The following FURIN variants were observed in gnomAD, a reference collection of about 807,000 sequenced individuals.
FURIN encodes furin, paired basic amino acid cleaving enzyme.
A neutral mutation model predicts 89.2 loss-of-function variants in FURIN; 18 were observed. That is an observed-to-expected ratio of 0.20 (90% CI 0.14 to 0.30). The LOEUF is 0.30. Among genes scored for constraint, FURIN ranks in the 10% least tolerant of loss-of-function variants. The pLI, the probability that FURIN is intolerant of heterozygous loss-of-function variation, is 1.00. For missense variants in FURIN, 879 were observed against 1,100.5 expected (o/e 0.80, Z 2.85); for synonymous variants, 508 against 466.4 (o/e 1.09, Z -1.15).
chr15:90,872,031 C>T (rs2151219064), intron 1 of FURIN, among the ~76,000 whole-genome samples: 1 of 151,572 alleles, frequency 6.6e-6, no homozygotes, highest in South Asian at 2.1e-4. Context: ...GCCGGGTGCT[C>T]CAGCCTCCCC....
Position 90,877,357 on chromosome 15 carries a change from C to T in FURIN, c.578+146C>T, listed in dbSNP as rs569017477. The T allele has an allele frequency of 8.6e-5, 80 of 925,732 alleles. No homozygotes were observed. In the Middle Eastern group the frequency reaches 1.3e-3, roughly 15 times the overall value. The allele number at this position is 925,732 out of a possible 1,614,324, so 57.3% of individuals were successfully genotyped here. A position where few individuals can be genotyped will look rare whatever the true frequency, so the allele number is the denominator to read the frequency against. ...CCACCTGGGGCTCTGAGGGAGGGCT[C>T]GGTCAGAGTGGAGATGGCCACAGGC... On this transcript the variant is annotated intron_variant, in intron 6 of 15. Coordinates refer to ENST00000268171, the MANE Select transcript of FURIN (RefSeq NM_002569.4).
Position 90,870,801 on chromosome 15 carries a change from G to C in FURIN, c.-160+2090G>C, listed in dbSNP as rs778186229. Among the ~76,000 whole-genome samples, 79 of 152,166 alleles carry C rather than the reference G, an allele frequency of 5.2e-4. 1 individual carries two copies. Among genetic ancestry groups the C allele is most frequent in the South Asian group, 1.4e-3 (7 of 4,828 alleles). ...AGGTCTGCTGGTTGTGGGACTTTGC[G>C]CAAATTATTTAAACGTTGTGCGCCT... On this transcript the variant is annotated intron_variant, in intron 1 of 15. Coordinates refer to ENST00000268171, the MANE Select transcript of FURIN (RefSeq NM_002569.4).
intron 7 of FURIN, 146 bp from the exon 8 acceptor site, chr15:90,877,986 T>C (rs948257848): frequency 8.6e-6 from 6 of 696,280 alleles, no homozygotes; most frequent in Non-Finnish European, 1.4e-5. Flanking sequence ...AAACAGGTAG[T>C]TGGGGGTTCA....
In FURIN at chr15:90,876,632, G is replaced by A; in HGVS notation, c.372+75G>A. 1.9e-6 allele frequency: 2 copies of A among 1,027,830 alleles called. No individual in the cohort carries two copies. Among genetic ancestry groups the A allele is most frequent in the South Asian group, 2.6e-5 (2 of 76,816 alleles). The allele number at this position is 1,027,830 out of a possible 1,614,324, so 63.7% of individuals were successfully genotyped here. A position where few individuals can be genotyped will look rare whatever the true frequency, so the allele number is the denominator to read the frequency against. On this transcript the variant is annotated intron_variant, in intron 4 of 15. Coordinates refer to ENST00000268171, the MANE Select transcript of FURIN (RefSeq NM_002569.4). This position sits in a 1 kb window ranked among gnomAD's most constrained non-coding sequence, Gnocchi z 5.0. ...ACCCACTATGAGCTCTTGGATGGAG[G>A]AGGCTGTCTTCGAGGCCTCCTCTGA...
Position 90,868,639 on chromosome 15 carries a change from G to A in FURIN, c.-232G>A, listed in dbSNP as rs575417253. On this transcript the variant is annotated 5_prime_UTR_variant, in exon 1 of 16. Transcript: ENST00000268171. ...GTGAAGGGATAGGAGCCTGACTGTT[G>A]CAGCTGCAGTGAGTGGCGGGGAAGC... is the stretch of plus-strand genomic sequence containing the variant. 6.6e-6 allele frequency: 1 copy of A among 152,396 alleles called. No homozygotes were observed. Among genetic ancestry groups the A allele is most frequent in the South Asian group, 2.1e-4 (1 of 4,832 alleles). The allele number at this position is 152,396 out of a possible 1,614,324, so 9.4% of individuals were successfully genotyped here.
chr15:90,878,346 G>T, intron 8 of FURIN, 42 bp downstream of exon 8: 2 of 1,479,464 alleles, frequency 1.4e-6, no homozygotes, highest in African/African-American at 1.4e-5. Context: ...CAGGTTGGGT[G>T]CTGTCTTCCG....
Position 90,878,980 on chromosome 15 carries a change from A to C in FURIN, c.1053+4A>C. On this transcript the variant is annotated splice_donor_region_variant and intron_variant, in intron 9 of 15. Transcript: ENST00000268171. ...CAACCAGAATGAGAAGCAGATCGTGAGTCTTACCTGGGGGTGGGGGCTGGG... is the reference window on the plus strand; with the variant it reads ...CAACCAGAATGAGAAGCAGATCGTGCGTCTTACCTGGGGGTGGGGGCTGGG... The C allele has an allele frequency of 7.5e-7, 1 of 1,325,836 alleles. No homozygotes were observed. The highest frequency in any genetic ancestry group is 1.1e-6 in the Non-Finnish European group (1 of 938,490). 82.1% of individuals were successfully genotyped at this position (1,325,836 alleles called of 1,614,324 possible).
In FURIN at chr15:90,878,748, C is replaced by A. The variant is rs895574347; in HGVS notation, c.841-16C>A. 16 of 1,511,000 alleles carry A rather than the reference C, an allele frequency of 1.1e-5. No homozygotes were observed. The highest frequency in any genetic ancestry group is 3.3e-5 in the Admixed American group (2 of 59,772). The allele number at this position is 1,511,000 out of a possible 1,614,324, so 93.6% of individuals were successfully genotyped here. On this transcript the variant is annotated splice_polypyrimidine_tract_variant and intron_variant, in intron 8 of 15. Transcript: ENST00000268171. Reference sequence around the variant, plus strand: ...AAGTCCCAATCTTGAATGACCCCAGCCCACTCTGTCCACAGGGCCGAGGGG... The same window carrying A: ...AAGTCCCAATCTTGAATGACCCCAGACCACTCTGTCCACAGGGCCGAGGGG...
In FURIN at chr15:90,876,930, C is replaced by T. The variant is rs750277939; in HGVS notation, c.407C>T (p.Ala136Val). 6.0e-5 allele frequency: 97 copies of T among 1,613,802 alleles called. 1 individual carries two copies. Among genetic ancestry groups the T allele is most frequent in the South Asian group, 2.0e-4 (18 of 91,078 alleles). ...GVTQRDLNVK[A>V]AWAQGYTGHG... ...ACTCAGCGGGACCTGAATGTGAAGG[C>T]GGCCTGGGCGCAGGGCTACACAGGG... Residue 136 changes from alanine to valine, a missense_variant, in exon 5 of 16, where the codon GCG (alanine) becomes GTG (valine). Ala to Val is a moderately conservative substitution (Grantham distance 64). This residue lies in a region of FURIN where 139 missense variants were observed against 215.0 expected (regional missense o/e 0.65). Coordinates refer to ENST00000268171, the MANE Select transcript of FURIN (RefSeq NM_002569.4). This position sits in a 1 kb window ranked among gnomAD's most constrained non-coding sequence, Gnocchi z 5.0.
intron 1 of FURIN, among the ~76,000 whole-genome samples, chr15:90,873,768 T>C (rs2031453829): frequency 6.6e-6 from 1 of 152,170 alleles, no homozygotes; most frequent in Admixed American, 6.5e-5. Flanking sequence ...GGAAGTCCTG[T>C]GGAGTCTGCC....
chr15:90,876,742 A>G lies in FURIN; in HGVS notation c.373-154A>G, dbSNP rs919464693. ...GGGGGTGGCCCTCCCAGAGTCCTCT[A>G]CATTCCCATGGAGTCCAGACAGCCA... On this transcript the variant is annotated intron_variant, in intron 4 of 15. Transcript: ENST00000268171. This position sits in a 1 kb window ranked among gnomAD's most constrained non-coding sequence, Gnocchi z 5.0. Among the ~76,000 whole-genome samples the G allele has an allele frequency of 6.6e-6, 1 of 152,156 alleles. No homozygotes were observed. The highest frequency in any genetic ancestry group is 6.5e-5 in the Admixed American group (1 of 15,284).
chr15:90,880,563 C>G (rs2031903418), intron 13 of FURIN, 128 bp from the exon 14 acceptor site: 1 of 1,022,600 alleles, frequency 9.8e-7, no homozygotes, highest in African/African-American at 1.6e-5. Flanking sequence ...GCCAAGCCAG[C>G]AGGCACTTCT....
At chr15:90,878,723 A>G in intron 8 of FURIN, 41 bp from the exon 9 acceptor site, 1 of 1,248,460 alleles carries the variant, frequency 8.0e-7, no homozygotes, top group Non-Finnish European at 1.2e-6. Flanking sequence ...GCCCTCCCTC[A>G]AGTCCCAATC....
rs781695456 is a variant in FURIN, at chr15:90,881,277, C to T, written c.1793-9C>T. On this transcript the variant is annotated splice_polypyrimidine_tract_variant and intron_variant, in intron 15 of 15. Coordinates refer to ENST00000268171, the MANE Select transcript of FURIN (RefSeq NM_002569.4). This position sits in a 1 kb window ranked among gnomAD's most constrained non-coding sequence, Gnocchi z 4.3. ...TGACACACACTTGCCCTCTCTCCCA[C>T]GCCGGCAGTGTGCGAGGAAGGCTTC... The T allele has an allele frequency of 3.2e-5, 50 of 1,580,204 alleles. No homozygotes were observed. Among genetic ancestry groups the T allele is most frequent in the East Asian group, 1.1e-4 (5 of 44,426 alleles).
Position 90,879,937 on chromosome 15 carries a change from A to G in FURIN, c.1329A>G (p.Thr443=). Reference sequence around the variant, plus strand: ...TGGCCCTGGCCCAGAATTGGACCACAGTGGCCCCCCAGCGGAAGTGCATCA... The same window carrying G: ...TGGCCCTGGCCCAGAATTGGACCACGGTGGCCCCCCAGCGGAAGTGCATCA... ...AMVALAQNWT[T]VAPQRKCIID... is the part of the protein sequence containing the mutation. Residue 443 remains threonine (T), a synonymous_variant, in exon 12 of 16, where the codon ACA becomes ACG. Coordinates refer to ENST00000268171, the MANE Select transcript of FURIN (RefSeq NM_002569.4). 2 of 1,613,312 alleles carry G rather than the reference A, an allele frequency of 1.2e-6. No homozygotes were observed. The highest frequency in any genetic ancestry group is 2.2e-5 in the East Asian group (1 of 44,874).
chr15:90,881,590 G>A lies in FURIN; in HGVS notation c.2097G>A (p.Glu699=), dbSNP rs1385145132. 6.2e-7 allele frequency: 1 copy of A among 1,608,572 alleles called. No individual in the cohort carries two copies. Reference sequence around the variant, plus strand: ...CACCTCGGCTGCCCCCGGAGGTGGAGGCGGGGCAACGGCTGCGGGCAGGGC... The same window carrying A: ...CACCTCGGCTGCCCCCGGAGGTGGAAGCGGGGCAACGGCTGCGGGCAGGGC... ...QQPPRLPPEV[E]AGQRLRAGLL... Residue 699 remains glutamate (E), a synonymous_variant, in exon 16 of 16, where the codon GAG becomes GAA. Coordinates refer to ENST00000268171, the MANE Select transcript of FURIN (RefSeq NM_002569.4). This position sits in a 1 kb window ranked among gnomAD's most constrained non-coding sequence, Gnocchi z 4.3.
chr15:90,878,799 C>A lies in FURIN; in HGVS notation c.876C>A (p.Ala292=). Residue 292 remains alanine, a synonymous_variant, in exon 9 of 16, where the codon GCC becomes GCA. Coordinates refer to ENST00000268171, the MANE Select transcript of FURIN (RefSeq NM_002569.4). ...GGCTGGGCTCCATCTTTGTCTGGGCCTCGGGGAACGGGGGCCGGGAACATG... is the reference window on the plus strand; with the variant it reads ...GGCTGGGCTCCATCTTTGTCTGGGCATCGGGGAACGGGGGCCGGGAACATG... The part of the protein sequence containing the change: ...RGGLGSIFVW[A]SGNGGREHDS... The A allele has an allele frequency of 6.2e-7, 1 of 1,611,738 alleles. No individual in the cohort carries two copies. Among genetic ancestry groups the A allele is most frequent in the Non-Finnish European group, 8.5e-7 (1 of 1,178,570 alleles).
rs751556003 is a variant in FURIN, at chr15:90,878,955, C to T, written c.1032C>T (p.Gly344=). 1.3e-6 allele frequency: 2 copies of T among 1,548,744 alleles called. No homozygotes were observed. Among genetic ancestry groups the T allele is most frequent in the Non-Finnish European group, 1.8e-6 (2 of 1,126,524 alleles). The change falls in exon 9 of 16, where the codon GGC becomes GGT. Residue 344 remains glycine, a synonymous_variant. Coordinates refer to ENST00000268171, the MANE Select transcript of FURIN (RefSeq NM_002569.4). Reference sequence around the variant, plus strand: ...CACTGGCCACGACCTACAGCAGTGGCAACCAGAATGAGAAGCAGATCGTGA... The same window carrying T: ...CACTGGCCACGACCTACAGCAGTGGTAACCAGAATGAGAAGCAGATCGTGA... The part of the protein sequence containing the change: ...SSTLATTYSS[G]NQNEKQIVTT...
chr15:90,877,112 G>C (rs1187133391), intron 5 of FURIN, 23 bp from the exon 6 acceptor site: 1 of 1,610,464 alleles, frequency 6.2e-7, no homozygotes, highest in Admixed American at 1.7e-5. Context: ...GCCTTCTCCT[G>C]ATGGTGGCCA....
Sources: gnomAD v4.1 joint callset for allele counts (sites outside exome capture counted in the v4.1 genomes callset) on GRCh38, gnomAD v4.1.1 for gene constraint, gnomAD v4.1.1 regional missense constraint, Gnocchi (gnomAD v3.1) non-coding constraint, MANE v1.5 for transcripts, NCBI Gene and HGNC (gene_info 2026-07-23, HGNC 2026-07-21) for gene names.